The following LRRC28 variants were observed in gnomAD, a reference collection of about 807,000 sequenced individuals.
The protein encoded by LRRC28 is leucine rich repeat containing 28.
Under a neutral mutation model 45.7 loss-of-function variants are expected in LRRC28, and 39 were observed. That is an observed-to-expected ratio of 0.85 (90% confidence interval 0.66 to 1.12). The LOEUF is 1.12. Ranked by LOEUF, LRRC28 falls within the 50% of genes most tolerant of loss-of-function variation. The pLI is 0.00. For synonymous variants in LRRC28, 206 were observed against 178.8 expected (o/e 1.15, Z -1.22); for missense variants, 435 against 438.5 (o/e 0.99, Z 0.07).
chr15:99,338,775 A>C (rs1956409657), intron 6 of LRRC28, among the ~76,000 whole-genome samples: 1 of 152,218 alleles, frequency 6.6e-6, no homozygotes, highest in Non-Finnish European at 1.5e-5. Flanking sequence ...GACTTAAATC[A>C]CTTATAATAC....
chr15:99,354,570 A>C (rs2152318827), intron 7 of LRRC28, among the ~76,000 whole-genome samples: 1 of 152,318 alleles, frequency 6.6e-6, no homozygotes, highest in East Asian at 1.9e-4. Flanking sequence ...ATTTTGGTCC[A>C]GTTGTTCCTT....
rs1958108679 is a variant in LRRC28 at position 99,388,976 on chromosome 15, T to A, written c.*2874T>A. On this transcript the variant is annotated 3_prime_UTR_variant, in exon 10 of 10. Coordinates refer to ENST00000301981, the MANE Select transcript of LRRC28 (RefSeq NM_144598.5). ...TATCATACCAAAAACCTTAATTACA[T>A]AACATTGTGTGGATGAAATGCTGCA... 1 of 152,208 alleles carries A rather than the reference T, an allele frequency of 6.6e-6. No homozygotes were observed. The highest frequency in any genetic ancestry group is 1.5e-5 in the Non-Finnish European group (1 of 68,032). The allele number at this position is 152,208 out of a possible 1,614,324, so 9.4% of individuals were successfully genotyped here.
chr15:99,253,860 G>A (rs996307712), intron 1 of LRRC28, among the ~76,000 whole-genome samples: 23 of 152,142 alleles, frequency 1.5e-4, no homozygotes, highest in Admixed American at 1.2e-3. Flanking sequence ...GGAGATAGAG[G>A]CCACTAGCCT....
intron 5 of LRRC28, among the ~76,000 whole-genome samples, chr15:99,319,059 C>G (rs1225286610): frequency 1.3e-5 from 2 of 152,160 alleles, no homozygotes; most frequent in South Asian, 2.1e-4. Flanking sequence ...ATCATTCTTT[C>G]CAGCAAGTAA....
intron 9 of LRRC28, among the ~76,000 whole-genome samples, chr15:99,369,819 G>A (rs1407594361): frequency 6.6e-6 from 1 of 152,212 alleles, no homozygotes; most frequent in Non-Finnish European, 1.5e-5. Context: ...GGAACTGTAG[G>A]TAGGCCGGTA....
intron 2 of LRRC28, among the ~76,000 whole-genome samples, chr15:99,271,704 C>T (rs2081484526): frequency 6.6e-6 from 1 of 152,230 alleles, no homozygotes; most frequent in Admixed American, 6.5e-5. Flanking sequence ...TCAAGGGATT[C>T]TCTTGCCTCA....
At chr15:99,331,375 CCTGT>C (rs1366888190) in intron 5 of LRRC28, among the ~76,000 whole-genome samples, 14 of 152,226 alleles carry the variant, frequency 9.2e-5, no homozygotes, top group African/African-American at 2.6e-4. Context: ...GAAGCTTGTG[CCTGT>C]CTTTGACTTA....
intron 9 of LRRC28, among the ~76,000 whole-genome samples, chr15:99,381,530 C>G (rs553555200): frequency 1.6e-3 from 238 of 152,350 alleles, no homozygotes; most frequent in African/African-American, 5.6e-3. Flanking sequence ...CTTCTCTCAA[C>G]TCGTCAAAGT....
intron 5 of LRRC28, among the ~76,000 whole-genome samples, chr15:99,310,964 G>A (rs112959665): frequency 8.5e-5 from 13 of 152,072 alleles, no homozygotes; most frequent in Non-Finnish European, 1.6e-4. Context: ...ACACCACAAA[G>A]CAGAGAATAA....
intron 3 of LRRC28, chr15:99,285,795 T>G (rs1213381581): frequency 2.1e-6 from 1 of 467,744 alleles, no homozygotes; most frequent in East Asian, 5.8e-5. Flanking sequence ...GCAAGTATTT[T>G]GTTGAAAAAA....
In LRRC28 at chr15:99,337,526, A is replaced by G. The variant is rs1428543650; in HGVS notation, c.592+3397A>G. On this transcript the variant is annotated intron_variant, in intron 6 of 9. Transcript: ENST00000301981. The stretch of plus-strand genomic sequence containing the variant: ...AGGAGGTGGGCATCTCTTCTTTGGT[A>G]CACAATCTTCAGTGCTGAGTTGAAT... Among the ~76,000 whole-genome samples the G allele has an allele frequency of 2.0e-5, 3 of 152,360 alleles. No individual in the cohort carries two copies. The South Asian group carries it at 6.2e-4, about 32-fold the overall frequency.
chr15:99,269,147 A>AT (rs2081407540), intron 2 of LRRC28, among the ~76,000 whole-genome samples: 1 of 152,134 alleles, frequency 6.6e-6, no homozygotes, highest in African/African-American at 2.4e-5. Context: ...TTTGTTTTAC[A>AT]TTTTTTGCCA....
Position 99,333,930 on chromosome 15 carries a change from CG to C in LRRC28, c.394del (p.Asp132IlefsTer2). 6.2e-7 allele frequency: 1 copy of C among 1,613,940 alleles called. No individual in the cohort carries two copies. The highest frequency in any genetic ancestry group is 1.1e-5 in the South Asian group (1 of 91,068). On this transcript the variant is annotated frameshift_variant, in exon 6 of 10. Coordinates refer to ENST00000301981, the MANE Select transcript of LRRC28 (RefSeq NM_144598.5). LOFTEE classifies it high-confidence loss of function. Reference sequence around the variant, plus strand: ...TTTTGATTTTGGTTGTAGAGGTTGGCGATTTGAAGGAGCTGCAGACACTAGA... The same window carrying C: ...TTTTGATTTTGGTTGTAGAGGTTGGCATTTGAAGGAGCTGCAGACACTAGA... ...QLQFLPPEVG[D>X]LKELQTLDIS...
In LRRC28 at chr15:99,267,107, C is replaced by T. The variant is rs147399256; in HGVS notation, c.169-9469C>T. On this transcript the variant is annotated intron_variant, in intron 2 of 9. Coordinates refer to ENST00000301981, the MANE Select transcript of LRRC28 (RefSeq NM_144598.5). ...AAATAAGATGGTTAGAATATAGTGCCACTAAGTTTTTATCAAGCTTTCTAA... is the reference window on the plus strand; with the variant it reads ...AAATAAGATGGTTAGAATATAGTGCTACTAAGTTTTTATCAAGCTTTCTAA... Among the ~76,000 whole-genome samples the T allele has an allele frequency of 5.4e-4, 82 of 152,144 alleles. No individual in the cohort carries two copies. In the East Asian group the frequency reaches 0.013, roughly 24 times the overall value.
intron 2 of LRRC28, among the ~76,000 whole-genome samples, chr15:99,263,154 CAA>C (rs68042511): frequency 1.6e-3 from 218 of 133,884 alleles, no homozygotes; most frequent in African/African-American, 2.8e-3. Context: ...ATAAAAAATA[CAA>C]AAAAAAAAAA....
rs576437431 is a variant in LRRC28 at position 99,347,458 on chromosome 15, T to C, written c.593-4911T>C. On this transcript the variant is annotated intron_variant, in intron 6 of 9. Transcript: ENST00000301981. Reference sequence around the variant, plus strand: ...TCCTGACCTCGTGATCTGCCCGCCTTGGCCTCCCAAAGTGCTGGGATTACA... The same window carrying C: ...TCCTGACCTCGTGATCTGCCCGCCTCGGCCTCCCAAAGTGCTGGGATTACA... Among the ~76,000 whole-genome samples, 99 of 152,332 alleles carry C rather than the reference T, an allele frequency of 6.5e-4. 1 individual carries two copies. Among genetic ancestry groups the C allele is most frequent in the African/African-American group, 7.5e-4 (31 of 41,576 alleles).
At chr15:99,362,978 A>G (rs1957244197) in intron 8 of LRRC28, 128 bp from the exon 9 acceptor site, 7 of 1,044,884 alleles carry the variant, frequency 6.7e-6, no homozygotes, top group African/African-American at 1.6e-5. Flanking sequence ...TATCAATCAG[A>G]TAACAGAATT....
chr15:99,301,373 C>G (rs1954963597), intron 5 of LRRC28, among the ~76,000 whole-genome samples: 1 of 151,990 alleles, frequency 6.6e-6, no homozygotes, highest in Non-Finnish European at 1.5e-5. Flanking sequence ...TAATTTTTTC[C>G]TAAATTACCA....
At chr15:99,317,091 G>A (rs10902544) in intron 5 of LRRC28, among the ~76,000 whole-genome samples, 61,140 of 151,176 alleles carry the variant, frequency 0.4, 13,057 homozygotes, top group African/African-American at 0.55. Context: ...TTGCGTGTAC[G>A]CAAGTATGCC....
Sources: allele counts gnomAD v4.1 joint callset (sites outside exome capture counted in the v4.1 genomes callset), GRCh38; gene constraint gnomAD v4.1.1; transcripts MANE v1.5; gene names NCBI Gene and HGNC (gene_info 2026-07-23, HGNC 2026-07-21).